Variants in IMPG1 observed in about 807,000 individuals in gnomAD.
The protein encoded by IMPG1 is interphotoreceptor matrix proteoglycan of 150 kDa.
In IMPG1, 85 loss-of-function variants were observed where a neutral mutation model predicts 92.0. The observed-to-expected ratio is 0.92, with a 90% CI of 0.78 to 1.11. The LOEUF is 1.11. IMPG1 is among the 50% of genes least tolerant of loss of function. The pLI, the probability that IMPG1 is intolerant of heterozygous loss-of-function variation, is 0.00. For missense variants in IMPG1, 1,022 were observed against 956.0 expected (o/e 1.07, Z -0.91); for synonymous variants, 367 against 334.1 (o/e 1.10, Z -1.08).
At chr6:75,958,805 G>A (rs577278563) in intron 12 of IMPG1, among the ~76,000 whole-genome samples, 2 of 151,836 alleles carry the variant, frequency 1.3e-5, no homozygotes, top group African/African-American at 4.8e-5. Flanking sequence ...TAGCTTCCTT[G>A]CATTGGGTTA....
At chr6:76,007,402 A>G in intron 9 of IMPG1, 78 bp downstream of exon 9, 1 of 1,094,238 alleles carries the variant, frequency 9.1e-7, no homozygotes, top group East Asian at 2.4e-5. Context: ...ATATGTAAAA[A>G]TTATTTGTGC....
intron 6 of IMPG1, among the ~76,000 whole-genome samples, chr6:76,019,515 C>T (rs749788781): frequency 2.0e-5 from 3 of 152,196 alleles, no homozygotes; most frequent in Non-Finnish European, 4.4e-5. Flanking sequence ...CAGAGCTCAA[C>T]TGGATAAATG....
At chr6:75,992,868 G>T (rs1394763102) in intron 12 of IMPG1, among the ~76,000 whole-genome samples, 1 of 152,146 alleles carries the variant, frequency 6.6e-6, no homozygotes, top group Non-Finnish European at 1.5e-5. Context: ...CCCAAGCAAA[G>T]CTCCATGAGT....
chr6:75,976,232 A>G (rs978316003), intron 12 of IMPG1, among the ~76,000 whole-genome samples: 14 of 152,360 alleles, frequency 9.2e-5, no homozygotes, highest in Admixed American at 3.9e-4. Context: ...AAAGGTAGTT[A>G]ATGGAATTCA....
chr6:76,018,978 C>T (rs766359744), intron 6 of IMPG1, 120 bp from the exon 7 acceptor site: 19 of 900,374 alleles, frequency 2.1e-5, no homozygotes, highest in South Asian at 2.4e-5. Context: ...AAGTGTTTTG[C>T]AATCAAAATC....
chr6:76,005,207 G>A, intron 10 of IMPG1, 80 bp downstream of exon 10: 10 of 1,419,988 alleles, frequency 7.0e-6, no homozygotes, highest in Non-Finnish European at 9.7e-6. Context: ...AAGTTAAAAT[G>A]ACAGTTTCCA....
chr6:75,990,584 C>T (rs1782797591), intron 12 of IMPG1, among the ~76,000 whole-genome samples: 1 of 140,462 alleles, frequency 7.1e-6, no homozygotes, highest in Admixed American at 7.4e-5. Flanking sequence ...GGAGACCCCA[C>T]CTCTACACAC....
chr6:75,979,750 T>C (rs566985241), intron 12 of IMPG1, among the ~76,000 whole-genome samples: 1 of 152,350 alleles, frequency 6.6e-6, no homozygotes, highest in East Asian at 1.9e-4. Context: ...ATTTTAATGA[T>C]AGCAATTCTG....
intron 12 of IMPG1, among the ~76,000 whole-genome samples, chr6:75,979,144 T>G (rs566621920): frequency 6.6e-6 from 1 of 152,274 alleles, no homozygotes; most frequent in East Asian, 1.9e-4. Flanking sequence ...CTCAAACTCC[T>G]GGGCTCAAGG....
At chr6:76,053,818 T>C (rs1293958460) in intron 1 of IMPG1, among the ~76,000 whole-genome samples, 1 of 152,164 alleles carries the variant, frequency 6.6e-6, no homozygotes, top group Non-Finnish European at 1.5e-5. Flanking sequence ...TGCTATCATG[T>C]AAACTTAATC....
At chr6:76,023,905 T>C (rs371059551) in intron 5 of IMPG1, among the ~76,000 whole-genome samples, 8 of 152,326 alleles carry the variant, frequency 5.3e-5, no homozygotes, top group East Asian at 3.9e-4. Context: ...CTTATTAATT[T>C]TGTTTTCCCA....
rs144580732 is a variant in IMPG1, at chr6:75,931,625, T to G, written c.2045-474A>C. ...ATTTATAAAGCATTAAGTCATCATT[T>G]ATGTGAACAGTTTTGAGAACTCAGG... is the stretch of plus-strand genomic sequence containing the variant. On this transcript the variant is annotated intron_variant, in intron 14 of 16. Coordinates refer to ENST00000369950, the MANE Select transcript of IMPG1 (RefSeq NM_001563.4). Among the ~76,000 whole-genome samples, 19 of 152,356 alleles carry G rather than the reference T, an allele frequency of 1.2e-4. 1 individual carries two copies. In the East Asian group the frequency reaches 3.7e-3, roughly 29 times the overall value.
intron 12 of IMPG1, among the ~76,000 whole-genome samples, chr6:75,959,605 A>C (rs958832615): frequency 1.3e-5 from 2 of 152,102 alleles, no homozygotes; most frequent in Admixed American, 1.3e-4. Context: ...TGGCTACAGC[A>C]GCTTTGCCAA....
At chr6:75,942,532 G>T (rs1015800071) in intron 14 of IMPG1, among the ~76,000 whole-genome samples, 5 of 152,144 alleles carry the variant, frequency 3.3e-5, no homozygotes, top group Admixed American at 3.3e-4. Flanking sequence ...GTGTAAATTG[G>T]AATTTGAGTC....
intron 1 of IMPG1, among the ~76,000 whole-genome samples, chr6:76,067,295 A>T (rs1784326320): frequency 6.6e-6 from 1 of 152,108 alleles, no homozygotes; most frequent in Non-Finnish European, 1.5e-5. Flanking sequence ...TGCCAGCTAG[A>T]TTAACCAAGA....
In IMPG1 at chr6:76,041,934, T is replaced by C; in HGVS notation, c.260A>G (p.Lys87Arg). 6.2e-7 allele frequency: 1 copy of C among 1,613,832 alleles called. No homozygotes were observed. Among genetic ancestry groups the C allele is most frequent in the South Asian group, 1.1e-5 (1 of 91,080 alleles). ...AGCTTGAAGACTGTCTAAAATCTGT[T>C]TCATGGATTCCTGTGGACAGACTTT... ...GVKVCPQESMKQILDSLQAYY... is the reference protein window; with the variant it reads ...GVKVCPQESMRQILDSLQAYY... Residue 87 changes from lysine (K) to arginine (R), a missense_variant, in exon 2 of 17, where the codon AAA (lysine) becomes AGA (arginine). Around this residue, in one of 3 missense-constraint regions of IMPG1, gnomAD observed 681 missense variants for 583.6 expected, o/e 1.17. Coordinates refer to ENST00000369950, the MANE Select transcript of IMPG1 (RefSeq NM_001563.4).
At chr6:75,957,119 C>T (rs12197532) in intron 12 of IMPG1, among the ~76,000 whole-genome samples, 28,868 of 152,026 alleles carry the variant, frequency 0.19, 2,871 homozygotes, top group Admixed American at 0.24. Context: ...GGGGTTTCAC[C>T]ATCTTGGCCT....
chr6:76,034,217 CAT>C, intron 4 of IMPG1, 96 bp downstream of exon 4: 2 of 1,117,612 alleles, frequency 1.8e-6, no homozygotes, highest in African/African-American at 1.6e-5. Flanking sequence ...TAGTGGCTGA[CAT>C]AAAATCCTAC....
intron 2 of IMPG1, among the ~76,000 whole-genome samples, chr6:76,036,208 C>CT (rs1783739797): frequency 6.6e-6 from 1 of 152,168 alleles, no homozygotes; most frequent in Non-Finnish European, 1.5e-5. Flanking sequence ...TGATGTTAAA[C>CT]TTTGTCTCAT....
Sources: gnomAD v4.1 joint callset for allele counts (sites outside exome capture counted in the v4.1 genomes callset) on GRCh38, gnomAD v4.1.1 for gene constraint, gnomAD v4.1.1 regional missense constraint, MANE v1.5 for transcripts, NCBI Gene and HGNC (gene_info 2026-07-23, HGNC 2026-07-21) for gene names.